Variants in ZNF578 observed in about 807,000 individuals in gnomAD.
ZNF578 encodes the protein Putative chemokine-related protein B42.
Under a neutral mutation model 8.3 loss-of-function variants are expected in ZNF578, and 8 were observed. The observed-to-expected ratio is 0.96, with a 90% CI of 0.56 to 1.74. The LOEUF is 1.74. Among genes scored for constraint, ZNF578 ranks in the 40% most tolerant of loss-of-function variants. The probability of loss-of-function intolerance (pLI) is 0.00; values close to 1 mark genes in which losing one functional copy is unlikely to be tolerated. For missense variants in ZNF578, 726 were observed against 707.5 expected (o/e 1.03, Z -0.30); for synonymous variants, 206 against 232.2 (o/e 0.89, Z 1.03).
At chr19:52,510,275 CTG>C (rs961928715) in intron 5 of ZNF578, among the ~76,000 whole-genome samples, 1 of 151,476 alleles carries the variant, frequency 6.6e-6, no homozygotes. Context: ...TTTTTGCAAA[CTG>C]TGATACACTG....
chr19:52,511,708 G>GC lies in ZNF578; in HGVS notation c.1328dup (p.Arg444ThrfsTer4), dbSNP rs774970586. 6 of 1,613,000 alleles carry GC rather than the reference G, an allele frequency of 3.7e-6. No homozygotes were observed. The highest frequency in any genetic ancestry group is 5.1e-6 in the Non-Finnish European group (6 of 1,179,876). On this transcript the variant is annotated frameshift_variant, in exon 6 of 6. Transcript: ENST00000421239. LOFTEE classifies it low-confidence loss of function (END_TRUNC). ...GGCTTTTATTCATCAGTCAAGCCTT[G>GC]CACGTCATCATAGACTTCATACTGG...
chr19:52,499,114 C>T (rs929690031), intron 3 of ZNF578, among the ~76,000 whole-genome samples: 8 of 152,154 alleles, frequency 5.3e-5, no homozygotes, highest in African/African-American at 1.9e-4. Flanking sequence ...AAATGTCTCC[C>T]GCTGTGAGCC....
At chr19:52,508,352 T>TAGAG (rs35598512) in intron 5 of ZNF578, among the ~76,000 whole-genome samples, 4 of 149,508 alleles carry the variant, frequency 2.7e-5, no homozygotes, top group Non-Finnish European at 6.0e-5. Context: ...ACAAAAGAAA[T>TAGAG]AGAGAGAGAG....
chr19:52,501,973 TTGTATTGTAGTAA>T (rs2059409554), intron 4 of ZNF578, 65 bp downstream of exon 4: 1 of 1,585,458 alleles, frequency 6.3e-7, no homozygotes, highest in Admixed American at 1.8e-5. Flanking sequence ...TAGTATTATA[TTGTATTGTAGTAA>T]TGTATTGTAA....
chr19:52,493,802 C>G (rs1388030792), intron 3 of ZNF578, among the ~76,000 whole-genome samples: 1 of 151,052 alleles, frequency 6.6e-6, no homozygotes, highest in Admixed American at 6.6e-5. Flanking sequence ...ACCAGCCTGT[C>G]CAACATGGAG....
chr19:52,484,597 A>G (rs2059338372), intron 2 of ZNF578, among the ~76,000 whole-genome samples: 1 of 151,972 alleles, frequency 6.6e-6, no homozygotes, highest in Admixed American at 6.6e-5. Context: ...TGACCTGCAC[A>G]TACACATCCA....
At chr19:52,505,350 G>A (rs528096594) in intron 5 of ZNF578, among the ~76,000 whole-genome samples, 1 of 152,188 alleles carries the variant, frequency 6.6e-6, no homozygotes, top group Non-Finnish European at 1.5e-5. Context: ...GTATGAGGCT[G>A]TTGACTGAAC....
At chr19:52,509,019 A>C (rs1177900353) in intron 5 of ZNF578, among the ~76,000 whole-genome samples, 2 of 146,304 alleles carry the variant, frequency 1.4e-5, no homozygotes, top group African/African-American at 5.1e-5. Flanking sequence ...CTTTTGCCTC[A>C]GCCTCCAAAG....
chr19:52,484,360 C>T (rs534624531), intron 2 of ZNF578, among the ~76,000 whole-genome samples: 1 of 152,312 alleles, frequency 6.6e-6, no homozygotes, highest in South Asian at 2.1e-4. Flanking sequence ...AAGAGGCCTT[C>T]CTTCCTCTTT....
At chr19:52,459,237 A>G (rs910334843) in intron 2 of ZNF578, among the ~76,000 whole-genome samples, 1 of 152,226 alleles carries the variant, frequency 6.6e-6, no homozygotes, top group Non-Finnish European at 1.5e-5. Context: ...CTGTATACCC[A>G]GAATACACTA....
rs1200008452 is a variant in ZNF578, at chr19:52,511,566, A to G, written c.1185A>G (p.Gly395=). The change falls in exon 6 of 6, where the codon GGA becomes GGG. Residue 395 remains glycine (G), a synonymous_variant. Transcript: ENST00000421239. ...TLVIHKAIHT[G]EKPYKCNECG... ...TAATTCATAAGGCAATTCATACTGG[A>G]GAGAAACCTTACAAGTGTAATGAAT... 1 of 1,612,818 alleles carries G rather than the reference A, an allele frequency of 6.2e-7. No homozygotes were observed. Among genetic ancestry groups the G allele is most frequent in the Admixed American group, 1.7e-5 (1 of 59,988 alleles).
intron 2 of ZNF578, among the ~76,000 whole-genome samples, chr19:52,475,759 G>C (rs1022014042): frequency 1.3e-5 from 2 of 152,172 alleles, no homozygotes; most frequent in African/African-American, 4.8e-5. Context: ...ACTTCTTTCA[G>C]TAACAATAGT....
intron 4 of ZNF578, among the ~76,000 whole-genome samples, chr19:52,503,157 T>A (rs753132278): frequency 6.6e-6 from 1 of 152,196 alleles, no homozygotes; most frequent in African/African-American, 2.4e-5. Context: ...CCCCAGGTGC[T>A]GGGATTAAAG....
At chr19:52,499,747 A>G (rs899794723) in intron 3 of ZNF578, among the ~76,000 whole-genome samples, 5 of 145,552 alleles carry the variant, frequency 3.4e-5, no homozygotes, top group African/African-American at 1.3e-4. Flanking sequence ...GTGCAATGCC[A>G]TGATATCAGC....
At chr19:52,498,294 C>A (rs1298316441) in intron 3 of ZNF578, among the ~76,000 whole-genome samples, 2 of 147,662 alleles carry the variant, frequency 1.4e-5, no homozygotes, top group Non-Finnish European at 3.0e-5. Flanking sequence ...GTAGCAGAGA[C>A]TACAGGTGCC....
intron 3 of ZNF578, among the ~76,000 whole-genome samples, chr19:52,493,574 G>A (rs545830087): frequency 1.3e-5 from 2 of 152,092 alleles, no homozygotes; most frequent in Non-Finnish European, 2.9e-5. Context: ...CTAGAGAGTG[G>A]GGACAGGGGG....
Position 52,512,004 on chromosome 19 carries a change from TAAG to T in ZNF578, c.1624_1626del (p.Lys542del). On this transcript the variant is annotated inframe_deletion, in exon 6 of 6. Coordinates refer to ENST00000421239, the MANE Select transcript of ZNF578 (RefSeq NM_001099694.2). ...ATACTGGAGAGAAACCTTACAAATG[TAAG>T]GTTTGTGACAAGGCTTTCATGTGCC... The T allele has an allele frequency of 6.2e-7, 1 of 1,614,110 alleles. No homozygotes were observed. The highest frequency in any genetic ancestry group is 8.5e-7 in the Non-Finnish European group (1 of 1,180,006).
At chr19:52,474,816 T>C in intron 2 of ZNF578, 1 of 200,902 alleles carries the variant, frequency 5.0e-6, no homozygotes. Flanking sequence ...TCTGAGACTT[T>C]CTCCAGTATG....
chr19:52,503,908 C>T lies in ZNF578; in HGVS notation c.64-747C>T, dbSNP rs143980907. Among the ~76,000 whole-genome samples the T allele has an allele frequency of 4.4e-3, 672 of 151,618 alleles. 5 individuals carry two copies. Among genetic ancestry groups the T allele is most frequent in the African/African-American group, 0.015 (638 of 41,378 alleles). ...CGCCTCCCGGATTCAAGCGATCCTCCTGCCTCAGCCTCTTGAGTAGCTGGG... is the reference window on the plus strand; with the variant it reads ...CGCCTCCCGGATTCAAGCGATCCTCTTGCCTCAGCCTCTTGAGTAGCTGGG... On this transcript the variant is annotated intron_variant, in intron 4 of 5. Transcript: ENST00000421239.
Sources: gnomAD v4.1 joint callset for allele counts (sites outside exome capture counted in the v4.1 genomes callset) on GRCh38, gnomAD v4.1.1 for gene constraint, MANE v1.5 for transcripts, NCBI Gene and HGNC (gene_info 2026-07-23, HGNC 2026-07-21) for gene names.